LRRC4C: variants seen among roughly 807,000 people sequenced by gnomAD.
LRRC4C encodes the protein leucine-rich repeat-containing protein 4C.
In LRRC4C, 5 loss-of-function variants were observed where a neutral mutation model predicts 33.6. The observed-to-expected ratio is 0.15, with a 90% CI of 0.08 to 0.31. The LOEUF (loss-of-function observed/expected upper bound fraction) is 0.31. LRRC4C is among the 10% of genes least tolerant of loss of function. The pLI, the probability that LRRC4C is intolerant of heterozygous loss-of-function variation, is 1.00. For missense variants in LRRC4C, 560 were observed against 796.7 expected (o/e 0.70, Z 3.58); for synonymous variants, 329 against 302.0 (o/e 1.09, Z -0.93).
chr11:40,731,008 C>A (rs1412444961), intron 2 of LRRC4C, among the ~76,000 whole-genome samples: 1 of 152,022 alleles, frequency 6.6e-6, no homozygotes, highest in East Asian at 1.9e-4. Context: ...TGAGTTCTCA[C>A]GAGATTTGGT....
chr11:40,644,834 C>T lies in LRRC4C; in HGVS notation c.-270+3308G>A, dbSNP rs891305145. The stretch of plus-strand genomic sequence containing the variant: ...GGGTCCCTTGTGGTGATAGAAATGA[C>T]GTGTATTTTGACCGTAGTAATATCA... On this transcript the variant is annotated intron_variant, in intron 3 of 6. Transcript: ENST00000528697. 9.9e-5 allele frequency among the ~76,000 whole-genome samples: 15 copies of T among 152,000 alleles called. No individual in the cohort carries two copies. The South Asian group carries it at 2.7e-3, about 27-fold the overall frequency.
intron 2 of LRRC4C, among the ~76,000 whole-genome samples, chr11:40,661,514 G>C (rs767842362): frequency 2.0e-5 from 3 of 152,136 alleles, no homozygotes; most frequent in Non-Finnish European, 2.9e-5. Context: ...TCATTATCAA[G>C]TCATACTCAG....
At chr11:40,508,285 T>C (rs971509115) in intron 3 of LRRC4C, among the ~76,000 whole-genome samples, 2 of 152,192 alleles carry the variant, frequency 1.3e-5, no homozygotes, top group African/African-American at 4.8e-5. Flanking sequence ...TTTTACTTTG[T>C]ACATTTCTGT....
chr11:40,213,056 T>C (rs1055984520), intron 5 of LRRC4C, among the ~76,000 whole-genome samples: 4 of 152,182 alleles, frequency 2.6e-5, no homozygotes, highest in Non-Finnish European at 5.9e-5. Flanking sequence ...TTTCTTGTCC[T>C]GTCCTTTTAA....
chr11:41,302,871 C>A (rs2137089989), intron 1 of LRRC4C, among the ~76,000 whole-genome samples: 1 of 152,224 alleles, frequency 6.6e-6, no homozygotes, highest in Non-Finnish European at 1.5e-5. Flanking sequence ...GTTTCATTTT[C>A]TCTTCAGTGC....
intron 5 of LRRC4C, among the ~76,000 whole-genome samples, chr11:40,229,786 C>G (rs1865072885): frequency 6.6e-6 from 1 of 152,118 alleles, no homozygotes; most frequent in South Asian, 2.1e-4. Flanking sequence ...CTGGCTGAAC[C>G]ACATACTGTA....
intron 2 of LRRC4C, among the ~76,000 whole-genome samples, chr11:40,879,526 C>T (rs1033576268): frequency 6.6e-6 from 1 of 152,126 alleles, no homozygotes; most frequent in Admixed American, 6.6e-5. Context: ...GAAACTCTGT[C>T]CTCGAAGAGC....
At chr11:40,304,511 A>G (rs1424214114) in intron 4 of LRRC4C, among the ~76,000 whole-genome samples, 4 of 152,120 alleles carry the variant, frequency 2.6e-5, no homozygotes, top group African/African-American at 9.7e-5. Context: ...ATTCAAACGA[A>G]ATATTAACTA....
chr11:41,207,678 C>T (rs1278889414), intron 1 of LRRC4C, among the ~76,000 whole-genome samples: 3 of 152,152 alleles, frequency 2.0e-5, no homozygotes, highest in African/African-American at 7.2e-5. Flanking sequence ...TGTGAAAACA[C>T]CTGGAAGACA....
At chr11:40,195,981 T>C (rs1487724229) in intron 5 of LRRC4C, among the ~76,000 whole-genome samples, 1 of 152,206 alleles carries the variant, frequency 6.6e-6, no homozygotes, top group African/African-American at 2.4e-5. Flanking sequence ...TGAATGTATA[T>C]TCTGGCTGTC....
intron 1 of LRRC4C, among the ~76,000 whole-genome samples, chr11:41,264,530 A>G (rs1949087249): frequency 6.6e-6 from 1 of 152,178 alleles, no homozygotes; most frequent in African/African-American, 2.4e-5. Flanking sequence ...GAAAGGTCAC[A>G]TACATACACA....
chr11:40,920,573 C>T (rs1176903796), intron 2 of LRRC4C, among the ~76,000 whole-genome samples: 3 of 152,074 alleles, frequency 2.0e-5, no homozygotes, highest in Non-Finnish European at 2.9e-5. Flanking sequence ...ACAATCATTT[C>T]CCCCAAGCTG....
intron 1 of LRRC4C, among the ~76,000 whole-genome samples, chr11:41,058,727 A>G (rs185776129): frequency 7.2e-5 from 11 of 152,370 alleles, no homozygotes; most frequent in African/African-American, 2.6e-4. Context: ...AAAGGAATAT[A>G]AATTTTTCTA....
intron 3 of LRRC4C, among the ~76,000 whole-genome samples, chr11:40,368,123 G>A (rs1402011878): frequency 6.6e-6 from 1 of 151,936 alleles, no homozygotes; most frequent in Non-Finnish European, 1.5e-5. Flanking sequence ...ATTATAAAGT[G>A]GGATAAATAT....
At chr11:40,519,115 A>T (rs1955696150) in intron 3 of LRRC4C, among the ~76,000 whole-genome samples, 1 of 152,140 alleles carries the variant, frequency 6.6e-6, no homozygotes. Flanking sequence ...GGGGAGGGAT[A>T]GCATTAGGAG....
At position 40,200,775 on chromosome 11, in the gene LRRC4C, A is replaced by AG. The variant is rs1203294436; in HGVS notation, c.-96+40743_-96+40744insC. ...AGCGAGACTCCATCTCAAAAAAAAA[A>AG]AAAAAAAAAAAAAGAAAAGAAAAGA... On this transcript the variant is annotated intron_variant, in intron 5 of 6. Coordinates refer to ENST00000528697, the MANE Select transcript of LRRC4C (RefSeq NM_001258419.2). Among the ~76,000 whole-genome samples, 398 of 148,312 alleles carry AG rather than the reference A, an allele frequency of 2.7e-3. 3 individuals are homozygous for AG. Among genetic ancestry groups the AG allele is most frequent in the African/African-American group, 9.6e-3 (384 of 39,844 alleles).
intron 2 of LRRC4C, among the ~76,000 whole-genome samples, chr11:40,848,117 T>C (rs1953285911): frequency 6.6e-6 from 1 of 151,902 alleles, no homozygotes; most frequent in African/African-American, 2.4e-5. Flanking sequence ...TGGATTGATT[T>C]TTTGATGGGT....
chr11:40,653,309 T>C (rs541972261), intron 2 of LRRC4C, among the ~76,000 whole-genome samples: 1 of 152,334 alleles, frequency 6.6e-6, no homozygotes, highest in South Asian at 2.1e-4. Flanking sequence ...TAGACACTTG[T>C]TGAATGACTT....
intron 3 of LRRC4C, among the ~76,000 whole-genome samples, chr11:40,541,629 G>C (rs1285133358): frequency 6.6e-6 from 1 of 152,090 alleles, no homozygotes; most frequent in African/African-American, 2.4e-5. Context: ...TCCCTAGACT[G>C]TATTGGAGCA....
Sources: gnomAD v4.1 joint callset for allele counts (sites outside exome capture counted in the v4.1 genomes callset) on GRCh38, gnomAD v4.1.1 for gene constraint, MANE v1.5 for transcripts, NCBI Gene and HGNC (gene_info 2026-07-23, HGNC 2026-07-21) for gene names.